CALB1: variants seen among roughly 807,000 people sequenced by gnomAD.
The protein encoded by CALB1 is calbindin.
CALB1 carries 16 observed loss-of-function variants against 46.7 expected under a neutral mutation model. That is an observed-to-expected ratio of 0.34 (90% CI 0.23 to 0.52). The LOEUF (loss-of-function observed/expected upper bound fraction) is 0.52. CALB1 is among the 20% of genes least tolerant of loss of function. The pLI, the probability that CALB1 is intolerant of heterozygous loss-of-function variation, is 0.95. For synonymous variants in CALB1, 90 were observed against 112.8 expected, an observed-to-expected ratio of 0.80 and a Z score of 1.28; for missense variants, 224 against 300.3, an observed-to-expected ratio of 0.75 and a Z score of 1.88.
chr8:90,074,178 G>A (rs1280318832), intron 3 of CALB1, among the ~76,000 whole-genome samples: 1 of 152,098 alleles, frequency 6.6e-6, no homozygotes, highest in Admixed American at 6.6e-5. Context: ...AAAAGGCTTG[G>A]CATTCAGAAG....
At chr8:90,064,626 A>G (rs1027671948) in intron 6 of CALB1, among the ~76,000 whole-genome samples, 4 of 151,768 alleles carry the variant, frequency 2.6e-5, no homozygotes, top group Admixed American at 2.6e-4. Flanking sequence ...AGATTGGAAC[A>G]AAATAGAAAA....
intron 2 of CALB1, among the ~76,000 whole-genome samples, chr8:90,080,427 T>C (rs1037896059): frequency 1.3e-5 from 2 of 152,008 alleles, no homozygotes; most frequent in Admixed American, 6.5e-5. Flanking sequence ...TGGAAGCATC[T>C]TCCAAGGTTT....
rs548722743 is a variant in CALB1, at chr8:90,076,946, T to G, written c.231+1427A>C. The stretch of plus-strand genomic sequence containing the variant: ...GAAGAAATGAAATTGAATAAATAGC[T>G]GAGTCCATTGGACTCCTTCAAGGAG... On this transcript the variant is annotated intron_variant, in intron 3 of 10. Coordinates refer to ENST00000265431, the MANE Select transcript of CALB1 (RefSeq NM_004929.4). 4.6e-5 allele frequency among the ~76,000 whole-genome samples: 7 copies of G among 152,056 alleles called. 1 individual carries two copies. In the South Asian group the frequency reaches 1.5e-3, roughly 32 times the overall value.
chr8:90,078,912 A>C (rs1814669278), intron 2 of CALB1, among the ~76,000 whole-genome samples: 1 of 152,066 alleles, frequency 6.6e-6, no homozygotes, highest in Non-Finnish European at 1.5e-5. Flanking sequence ...AACAAGCAAA[A>C]AATGTGAATG....
At chr8:90,067,178 G>C (rs534061702) in intron 5 of CALB1, among the ~76,000 whole-genome samples, 1 of 152,010 alleles carries the variant, frequency 6.6e-6, no homozygotes. Flanking sequence ...AAATAGCCTC[G>C]GAGAAACCTT....
At chr8:90,079,227 T>C (rs1814681190) in intron 2 of CALB1, among the ~76,000 whole-genome samples, 1 of 151,902 alleles carries the variant, frequency 6.6e-6, no homozygotes, top group Admixed American at 6.6e-5. Flanking sequence ...AACAAGATGG[T>C]GGTATTATCT....
chr8:90,082,338 G>A lies in CALB1; in HGVS notation c.80-236C>T, dbSNP rs1022519148. 2.3e-4 allele frequency: 141 copies of A among 601,128 alleles called. 1 individual carries two copies. The highest frequency in any genetic ancestry group is 3.7e-4 in the Non-Finnish European group (125 of 339,716). 37.2% of individuals were successfully genotyped at this position (601,128 alleles called of 1,614,324 possible). A position where few individuals can be genotyped will look rare whatever the true frequency, so the allele number is the denominator to read the frequency against. ...GCTAAGCGCAGCCACAGAAACTTTG[G>A]GGGGGCAGCATTCCCCAATCCCTGC... On this transcript the variant is annotated intron_variant, in intron 1 of 10. Transcript: ENST00000265431.
rs759346303 is a variant in CALB1 at position 90,063,171 on chromosome 8, A to G, written c.547-18T>C. 15 of 1,588,168 alleles carry G rather than the reference A, an allele frequency of 9.4e-6. No homozygotes were observed. Among genetic ancestry groups the G allele is most frequent in the Non-Finnish European group, 1.3e-5 (15 of 1,157,730 alleles). On this transcript the variant is annotated intron_variant, in intron 8 of 10. Transcript: ENST00000265431. ...TTGATTCCCTAAAGATAGAGAAGAG[A>G]GTAAATGTTAAAATGTTATTACTAT... is the stretch of plus-strand genomic sequence containing the variant.
rs991321606 is a variant in CALB1 at position 90,082,840 on chromosome 8, G to A, written c.-143C>T. 4.1e-6 allele frequency: 3 copies of A among 733,806 alleles called. No homozygotes were observed. Among genetic ancestry groups the A allele is most frequent in the Admixed American group, 4.1e-5 (2 of 49,058 alleles). 45.5% of individuals were successfully genotyped at this position (733,806 alleles called of 1,614,324 possible). On this transcript the variant is annotated 5_prime_UTR_variant, in exon 1 of 11. Coordinates refer to ENST00000265431, the MANE Select transcript of CALB1 (RefSeq NM_004929.4). The stretch of plus-strand genomic sequence containing the variant: ...GCGGGCGCTGCCGGGCGCTGTCCTC[G>A]GTGCTGCTCAGCTCAGCGTTCCTCC...
At chr8:90,066,110 A>C (rs1814391725) in intron 5 of CALB1, 135 bp from the exon 6 acceptor site, 2 of 628,476 alleles carry the variant, frequency 3.2e-6, no homozygotes, top group African/African-American at 1.8e-5. Context: ...AGGTGAGTAG[A>C]GGAACTTATA....
intron 6 of CALB1, chr8:90,063,864 AAACAGATG>A (rs1397977416): frequency 6.3e-6 from 1 of 159,704 alleles, no homozygotes; most frequent in Non-Finnish European, 1.4e-5. Flanking sequence ...CAGAAGCAGA[AAACAGATG>A]ACAAATAAAT....
At chr8:90,073,939 A>G (rs1814576356) in intron 3 of CALB1, among the ~76,000 whole-genome samples, 1 of 152,224 alleles carries the variant, frequency 6.6e-6, no homozygotes, top group African/African-American at 2.4e-5. Flanking sequence ...ATCACAGTGC[A>G]CATGAGGCAG....
At chr8:90,077,233 G>A (rs904270444) in intron 3 of CALB1, among the ~76,000 whole-genome samples, 2 of 151,844 alleles carry the variant, frequency 1.3e-5, no homozygotes, top group East Asian at 1.9e-4. Context: ...AGTTACACAC[G>A]GGTAAAGGGG....
At chr8:90,071,166 TC>T (rs1275520054) in intron 3 of CALB1, among the ~76,000 whole-genome samples, 3 of 152,146 alleles carry the variant, frequency 2.0e-5, no homozygotes, top group African/African-American at 7.2e-5. Context: ...GCTTCTTTGC[TC>T]TTGGACTGCA....
intron 5 of CALB1, among the ~76,000 whole-genome samples, chr8:90,068,753 T>C (rs1814445042): frequency 6.6e-6 from 1 of 152,182 alleles, no homozygotes; most frequent in Non-Finnish European, 1.5e-5. Context: ...TATCTGTCTG[T>C]CTGTCTTATA....
At chr8:90,078,566 A>G in intron 2 of CALB1, 119 bp from the exon 3 acceptor site, 1 of 609,482 alleles carries the variant, frequency 1.6e-6, no homozygotes, top group Non-Finnish European at 2.9e-6. Flanking sequence ...AAATATGCAT[A>G]ATGATTAACT....
At chr8:90,063,015 AT>A in intron 9 of CALB1, 84 bp downstream of exon 9, 2 of 921,246 alleles carry the variant, frequency 2.2e-6, no homozygotes, top group Non-Finnish European at 3.4e-6. Context: ...GCAGTACTGT[AT>A]TTTATACTTA....
In CALB1 at chr8:90,060,275, A is replaced by C. The variant is rs147272440; in HGVS notation, c.684T>G (p.Ile228Met). Residue 228 changes from isoleucine to methionine, a missense_variant, in exon 11 of 11, where the codon ATT becomes ATG. Ile to Met is a conservative substitution (Grantham distance 10, BLOSUM62 1). Transcript: ENST00000265431. ...TCTTCTTGTATGTTGTAATATTATT[A>C]ATATCCAGATCCTGTACAGAATATA... is the stretch of plus-strand genomic sequence containing the variant. The part of the protein sequence containing the change: ...LCEKNKQDLD[I>M]NNITTYKKNI... The C allele has an allele frequency of 5.0e-5, 79 of 1,582,388 alleles. No homozygotes were observed. Among genetic ancestry groups the C allele is most frequent in the Admixed American group, 2.3e-4 (14 of 59,932 alleles).
intron 5 of CALB1, among the ~76,000 whole-genome samples, chr8:90,066,261 T>C (rs938935363): frequency 1.3e-5 from 2 of 152,014 alleles, no homozygotes; most frequent in Non-Finnish European, 2.9e-5. Context: ...TCAATTAACC[T>C]GAATAAAACC....
Sources: allele counts gnomAD v4.1 joint callset (sites outside exome capture counted in the v4.1 genomes callset), GRCh38; gene constraint gnomAD v4.1.1; transcripts MANE v1.5; gene names NCBI Gene and HGNC (gene_info 2026-07-23, HGNC 2026-07-21).